Variants in AHCYL2 observed in about 807,000 individuals in gnomAD.
The protein encoded by AHCYL2 is S-adenosylhomocysteine hydrolase-like protein 2.
AHCYL2 carries 28 observed loss-of-function variants against 81.4 expected under a neutral mutation model. That is an observed-to-expected ratio of 0.34 (90% confidence interval 0.25 to 0.47). The LOEUF (loss-of-function observed/expected upper bound fraction) is 0.47, where lower values mean the gene tolerates loss of function less well. Ranked by LOEUF, AHCYL2 falls within the 20% of genes least tolerant of loss-of-function variation. The pLI is 1.00. For synonymous variants in AHCYL2, 272 were observed against 290.2 expected, an observed-to-expected ratio of 0.94 and a Z score of 0.64; for missense variants, 551 against 785.1, an observed-to-expected ratio of 0.70 and a Z score of 3.56.
chr7:129,374,687 A>G (rs1794586876), intron 1 of AHCYL2, among the ~76,000 whole-genome samples: 1 of 151,824 alleles, frequency 6.6e-6, no homozygotes, highest in Non-Finnish European at 1.5e-5. Flanking sequence ...CATGCCTGTA[A>G]TCCCAGCTAC....
intron 8 of AHCYL2, 39 bp from the exon 9 acceptor site, chr7:129,405,797 G>A: frequency 1.3e-6 from 2 of 1,578,130 alleles, no homozygotes; most frequent in Non-Finnish European, 1.7e-6. Context: ...GGAGAAACAA[G>A]AGAAGATTTT....
intron 1 of AHCYL2, among the ~76,000 whole-genome samples, chr7:129,269,744 G>A (rs913497905): frequency 7.2e-5 from 11 of 152,120 alleles, no homozygotes; most frequent in Non-Finnish European, 1.2e-4. Context: ...TTTGTATTCC[G>A]TAATTTTTAG....
chr7:129,295,230 T>A (rs938010321), intron 1 of AHCYL2, among the ~76,000 whole-genome samples: 5 of 152,210 alleles, frequency 3.3e-5, no homozygotes, highest in Non-Finnish European at 7.3e-5. Flanking sequence ...CTCCGGGGAA[T>A]TGAAGCTGAG....
intron 1 of AHCYL2, among the ~76,000 whole-genome samples, chr7:129,342,720 G>C (rs766286757): frequency 1.3e-5 from 2 of 152,068 alleles, no homozygotes; most frequent in Admixed American, 1.3e-4. Flanking sequence ...TAAAGTAAGA[G>C]CATTTATTTT....
At chr7:129,351,142 AG>A (rs1793549228) in intron 1 of AHCYL2, among the ~76,000 whole-genome samples, 1 of 152,194 alleles carries the variant, frequency 6.6e-6, no homozygotes, top group South Asian at 2.1e-4. Flanking sequence ...AGTTGAAAAA[AG>A]TTTTGAATTT....
chr7:129,354,884 T>G (rs953128817), intron 1 of AHCYL2, among the ~76,000 whole-genome samples: 4 of 152,188 alleles, frequency 2.6e-5, no homozygotes, highest in Non-Finnish European at 4.4e-5. Flanking sequence ...AAATTTGCCT[T>G]GGAGTCATCC....
chr7:129,388,792 T>A (rs1456725997), intron 2 of AHCYL2: 1 of 353,640 alleles, frequency 2.8e-6, no homozygotes, highest in Non-Finnish European at 5.1e-6. Flanking sequence ...TGTAACCTTT[T>A]CTTTTTGCGT....
At chr7:129,384,065 G>A (rs1795090029) in intron 2 of AHCYL2, among the ~76,000 whole-genome samples, 1 of 151,960 alleles carries the variant, frequency 6.6e-6, no homozygotes, top group Non-Finnish European at 1.5e-5. Context: ...ATTCCACAAT[G>A]TGTACATATC....
chr7:129,318,205 G>A (rs1322858041), intron 1 of AHCYL2, among the ~76,000 whole-genome samples: 3 of 152,132 alleles, frequency 2.0e-5, no homozygotes, highest in East Asian at 1.9e-4. Flanking sequence ...AGAAGGAAAT[G>A]GACTGAACAG....
chr7:129,314,070 G>A (rs1178820609), intron 1 of AHCYL2, among the ~76,000 whole-genome samples: 1 of 152,210 alleles, frequency 6.6e-6, no homozygotes, highest in African/African-American at 2.4e-5. Flanking sequence ...CCAGAGTCAT[G>A]AGCTAGTTGT....
chr7:129,257,667 C>T (rs2694578), intron 1 of AHCYL2, among the ~76,000 whole-genome samples: 18,549 of 152,132 alleles, frequency 0.12, 1,497 homozygotes, highest in African/African-American at 0.24. Flanking sequence ...CACACAGGTT[C>T]ATAAGGGGTC....
intron 1 of AHCYL2, among the ~76,000 whole-genome samples, chr7:129,288,792 A>T (rs1424493763): frequency 2.0e-5 from 3 of 151,926 alleles, no homozygotes; most frequent in Non-Finnish European, 4.4e-5. Context: ...TTTTTGAGAC[A>T]AGGCCTTGTT....
intron 1 of AHCYL2, among the ~76,000 whole-genome samples, chr7:129,287,240 A>G (rs1796669835): frequency 6.6e-6 from 1 of 152,220 alleles, no homozygotes. Flanking sequence ...TTATCATGAA[A>G]ATACTTTTAA....
chr7:129,380,200 G>A (rs1013794612), intron 2 of AHCYL2, among the ~76,000 whole-genome samples: 1 of 152,116 alleles, frequency 6.6e-6, no homozygotes, highest in South Asian at 2.1e-4. Flanking sequence ...AAGCAAGTGA[G>A]CCCTTTGCCT....
intron 1 of AHCYL2, among the ~76,000 whole-genome samples, chr7:129,271,487 C>T (rs1796015724): frequency 6.6e-6 from 1 of 151,574 alleles, no homozygotes; most frequent in Non-Finnish European, 1.5e-5. Context: ...GAACAGAATA[C>T]TATTAAGCAA....
At chr7:129,405,249 T>C in intron 8 of AHCYL2, 36 bp downstream of exon 8, 1 of 1,495,958 alleles carries the variant, frequency 6.7e-7, no homozygotes, top group South Asian at 1.2e-5. Context: ...AGTTGTGATG[T>C]CCAGTTGAGA....
chr7:129,373,245 T>C (rs2150867906), intron 1 of AHCYL2, among the ~76,000 whole-genome samples: 1 of 152,316 alleles, frequency 6.6e-6, no homozygotes, highest in East Asian at 1.9e-4. Context: ...AAAGTTACTG[T>C]GTTCTATAAA....
intron 1 of AHCYL2, among the ~76,000 whole-genome samples, chr7:129,337,592 T>G (rs1306649269): frequency 6.6e-6 from 1 of 151,252 alleles, no homozygotes; most frequent in Non-Finnish European, 1.5e-5. Context: ...AGAGACAGGG[T>G]TTCATCACGT....
rs760655929 is a variant in AHCYL2, at chr7:129,379,678, G to A, written c.404G>A (p.Arg135His). 5.0e-6 allele frequency: 8 copies of A among 1,613,950 alleles called. No homozygotes were observed. Among genetic ancestry groups the A allele is most frequent in the African/African-American group, 1.3e-5 (1 of 74,874 alleles). The change falls in exon 2 of 17, where the codon CGT (arginine) becomes CAT (histidine). Residue 135 changes from arginine (R) to histidine (H), a missense_variant. Arg to His is a conservative substitution (Grantham distance 29, BLOSUM62 0). Coordinates refer to ENST00000325006, the MANE Select transcript of AHCYL2 (RefSeq NM_015328.4). ...FADQKQEFNKRPTKIGRRSLS... is the reference protein window; with the variant it reads ...FADQKQEFNKHPTKIGRRSLS... ...GACCAGAAGCAAGAATTCAACAAAC[G>A]TCCCACCAAAATTGGACGTCGCTCT...
Sources: allele counts gnomAD v4.1 joint callset (sites outside exome capture counted in the v4.1 genomes callset), GRCh38; gene constraint gnomAD v4.1.1; transcripts MANE v1.5; gene names NCBI Gene and HGNC (gene_info 2026-07-23, HGNC 2026-07-21).